The following PCCA variants were observed in gnomAD, a reference collection of about 807,000 sequenced individuals.
The protein encoded by PCCA is propionyl-CoA carboxylase subunit alpha.
A neutral mutation model predicts 101.3 loss-of-function variants in PCCA; 74 were observed. The ratio of observed to expected loss-of-function variants is 0.73; its 90% CI spans 0.61 to 0.89. The LOEUF (loss-of-function observed/expected upper bound fraction) is 0.89. PCCA is among the 40% of genes least tolerant of loss of function. The pLI is 0.00. For missense variants in PCCA, 891 were observed against 907.0 expected (o/e 0.98, Z 0.23); for synonymous variants, 294 against 313.6 (o/e 0.94, Z 0.66).
At chr13:100,328,571 C>CT (rs1167824229) in intron 16 of PCCA, among the ~76,000 whole-genome samples, 3 of 151,060 alleles carry the variant, frequency 2.0e-5, no homozygotes, top group Non-Finnish European at 4.4e-5. Flanking sequence ...AATCCGTTGC[C>CT]TACCTTAAGG....
At chr13:100,281,901 GA>G (rs2064152398) in intron 12 of PCCA, among the ~76,000 whole-genome samples, 1 of 152,326 alleles carries the variant, frequency 6.6e-6, no homozygotes, top group South Asian at 2.1e-4. Flanking sequence ...TGCAGAAGTA[GA>G]ATTGCTGGGA....
intron 19 of PCCA, among the ~76,000 whole-genome samples, chr13:100,383,466 C>T (rs1264354294): frequency 6.6e-6 from 1 of 151,752 alleles, no homozygotes; most frequent in East Asian, 2.0e-4. Context: ...TATGATTAGC[C>T]GGTCATGGTG....
At chr13:100,375,661 A>G (rs1032975272) in intron 19 of PCCA, among the ~76,000 whole-genome samples, 1 of 152,214 alleles carries the variant, frequency 6.6e-6, no homozygotes, top group African/African-American at 2.4e-5. Context: ...TATGGAAAGG[A>G]AAAACCAGTA....
intron 21 of PCCA, among the ~76,000 whole-genome samples, chr13:100,469,830 G>A (rs540590147): frequency 6.6e-6 from 1 of 152,232 alleles, no homozygotes; most frequent in African/African-American, 2.4e-5. Context: ...GATGGCGTGT[G>A]AGTTTACTGG....
rs75527610 is a variant in PCCA at position 100,425,472 on chromosome 13, C to T, written c.1747-161C>T. Among the ~76,000 whole-genome samples the T allele has an allele frequency of 0.096, 14,633 of 152,264 alleles. 757 individuals are homozygous for T. Among genetic ancestry groups the T allele is most frequent in the South Asian group, 0.14 (685 of 4,820 alleles). Reference sequence around the variant, plus strand: ...CTCTCCCCAGAGATGACTGGGAAGACGCTGTTGTTGGACCCTGTCTTTCTT... The same window carrying T: ...CTCTCCCCAGAGATGACTGGGAAGATGCTGTTGTTGGACCCTGTCTTTCTT... On this transcript the variant is annotated intron_variant, in intron 19 of 23. Transcript: ENST00000376285.
rs141325133 is a variant in PCCA at position 100,313,857 on chromosome 13, A to G, written c.1429+3949A>G. Among the ~76,000 whole-genome samples the G allele has an allele frequency of 5.9e-5, 9 of 152,232 alleles. No homozygotes were observed. The East Asian group carries it at 1.7e-3, about 29-fold the overall frequency. On this transcript the variant is annotated intron_variant, in intron 16 of 23. Transcript: ENST00000376285. ...TCCTGCAAAAAAGCACAATACCATC[A>G]TTACACCCAAGGAAAATTGACAGCA...
At chr13:100,347,083 G>A (rs1445821675) in intron 18 of PCCA, among the ~76,000 whole-genome samples, 1 of 152,126 alleles carries the variant, frequency 6.6e-6, no homozygotes, top group East Asian at 1.9e-4. Context: ...CACCGTGTTA[G>A]CCAGGATGGT....
intron 22 of PCCA, among the ~76,000 whole-genome samples, chr13:100,516,720 G>T (rs2086848037): frequency 7.0e-6 from 1 of 143,788 alleles, no homozygotes; most frequent in Non-Finnish European, 1.5e-5. Flanking sequence ...TTTGGGAGAG[G>T]CCATAAGAAA....
intron 16 of PCCA, among the ~76,000 whole-genome samples, chr13:100,315,074 G>A (rs1008121204): frequency 2.0e-5 from 3 of 152,098 alleles, no homozygotes; most frequent in African/African-American, 4.8e-5. Flanking sequence ...ACCTTCATAT[G>A]TTTAAGAAGG....
At chr13:100,393,370 A>G (rs1209789659) in intron 19 of PCCA, among the ~76,000 whole-genome samples, 1 of 150,672 alleles carries the variant, frequency 6.6e-6, no homozygotes. Flanking sequence ...AAGTTTTTAA[A>G]GTTTTCAGCA....
chr13:100,223,781 C>T (rs577186695), intron 7 of PCCA, among the ~76,000 whole-genome samples: 4 of 152,182 alleles, frequency 2.6e-5, no homozygotes, highest in Non-Finnish European at 4.4e-5. Flanking sequence ...AAAGGTTCTC[C>T]ACATCCCCAC....
At chr13:100,463,413 C>T (rs1361494941) in intron 21 of PCCA, among the ~76,000 whole-genome samples, 1 of 135,894 alleles carries the variant, frequency 7.4e-6, no homozygotes, top group East Asian at 2.3e-4. Context: ...AGAGCCACTT[C>T]TTTAGAATCC....
chr13:100,363,420 G>A (rs528157607), intron 18 of PCCA, among the ~76,000 whole-genome samples: 2 of 151,652 alleles, frequency 1.3e-5, no homozygotes, highest in East Asian at 3.9e-4. Flanking sequence ...CTCCTTTGTA[G>A]TCTCCATGTA....
intron 8 of PCCA, among the ~76,000 whole-genome samples, chr13:100,253,211 C>T (rs1272931926): frequency 6.6e-6 from 1 of 152,078 alleles, no homozygotes; most frequent in Non-Finnish European, 1.5e-5. Context: ...GCAGCCTTGA[C>T]CTCCTGGGCC....
At chr13:100,362,767 C>T (rs759063449) in intron 18 of PCCA, among the ~76,000 whole-genome samples, 2 of 152,174 alleles carry the variant, frequency 1.3e-5, no homozygotes, top group Non-Finnish European at 2.9e-5. Flanking sequence ...ATGCTAATAA[C>T]ACCAAACTTG....
chr13:100,388,358 G>A (rs1366677103), intron 19 of PCCA, among the ~76,000 whole-genome samples: 1 of 152,098 alleles, frequency 6.6e-6, no homozygotes, highest in African/African-American at 2.4e-5. Context: ...CAGCTACTCA[G>A]GGGGCTAAGG....
Position 100,510,753 on chromosome 13 carries a change from G to A in PCCA, c.1900-4674G>A, listed in dbSNP as rs117988951. Reference sequence around the variant, plus strand: ...TGTGGGTTGTAGGAGAAAGTCCTCCGAGTGCTGTTGGATTAAATGATGCAT... The same window carrying A: ...TGTGGGTTGTAGGAGAAAGTCCTCCAAGTGCTGTTGGATTAAATGATGCAT... On this transcript the variant is annotated intron_variant, in intron 21 of 23. Transcript: ENST00000376285. Among the ~76,000 whole-genome samples the A allele has an allele frequency of 5.7e-3, 869 of 152,318 alleles. 2 individuals are homozygous for A. Among genetic ancestry groups the A allele is most frequent in the Middle Eastern group, 0.014 (4 of 294 alleles).
chr13:100,249,352 A>G (rs1330881678), intron 8 of PCCA, among the ~76,000 whole-genome samples: 3 of 152,164 alleles, frequency 2.0e-5, no homozygotes, highest in Non-Finnish European at 2.9e-5. Flanking sequence ...GTTTGGAAAG[A>G]CTATCTGCAT....
chr13:100,098,231 G>A (rs2046954371), intron 1 of PCCA, among the ~76,000 whole-genome samples: 1 of 151,974 alleles, frequency 6.6e-6, no homozygotes, highest in Non-Finnish European at 1.5e-5. Flanking sequence ...GTAAAATAAG[G>A]TGAAATTAAT....
Sources: gnomAD v4.1 joint callset for allele counts (sites outside exome capture counted in the v4.1 genomes callset) on GRCh38, gnomAD v4.1.1 for gene constraint, MANE v1.5 for transcripts, NCBI Gene and HGNC (gene_info 2026-07-23, HGNC 2026-07-21) for gene names.